The following MOB1B variants were observed in gnomAD, a reference collection of about 807,000 sequenced individuals.
MOB1B encodes MOB1 Mps One Binder homolog B.
Under a neutral mutation model 24.4 loss-of-function variants are expected in MOB1B, and 19 were observed. That is an observed-to-expected ratio of 0.78 (90% CI 0.54 to 1.14). The LOEUF is 1.14. Ranked by LOEUF, MOB1B falls within the 50% of genes most tolerant of loss-of-function variation. MOB1B has a pLI of 0.00. For missense variants in MOB1B, 243 were observed against 259.6 expected, an observed-to-expected ratio of 0.94 and a Z score of 0.44; for synonymous variants, 76 against 82.1, an observed-to-expected ratio of 0.93 and a Z score of 0.40.
chr4:70,923,888 A>C (rs1478489005), intron 1 of MOB1B, among the ~76,000 whole-genome samples: 1 of 146,326 alleles, frequency 6.8e-6, no homozygotes, highest in Non-Finnish European at 1.5e-5. Flanking sequence ...CAGAGCTTGC[A>C]GTGAGCCGAG....
chr4:70,976,170 G>GGGAA, intron 4 of MOB1B: 1 of 982,620 alleles, frequency 1.0e-6, no homozygotes, highest in South Asian at 4.7e-5. Flanking sequence ...CCAAAGTACT[G>GGGAA]GGAACCCTCT....
chr4:70,927,958 C>T (rs1736719234), intron 1 of MOB1B, among the ~76,000 whole-genome samples: 1 of 152,172 alleles, frequency 6.6e-6, no homozygotes, highest in African/African-American at 2.4e-5. Context: ...GCATTTCTCT[C>T]AACCTGCTTT....
At chr4:70,903,183 C>T (rs887803739) in intron 1 of MOB1B, among the ~76,000 whole-genome samples, 1 of 152,216 alleles carries the variant, frequency 6.6e-6, no homozygotes, top group Non-Finnish European at 1.5e-5. Context: ...TAGAGGCGCC[C>T]TTCCTCCCAG....
chr4:70,948,596 A>C (rs1301890947), intron 1 of MOB1B, among the ~76,000 whole-genome samples: 2 of 152,028 alleles, frequency 1.3e-5, no homozygotes, highest in Non-Finnish European at 2.9e-5. Context: ...AAAGATACTG[A>C]TTATATTTAG....
intron 2 of MOB1B, among the ~76,000 whole-genome samples, chr4:70,963,108 A>G (rs1738369527): frequency 6.6e-6 from 1 of 152,234 alleles, no homozygotes; most frequent in Non-Finnish European, 1.5e-5. Context: ...TGCAGACCAC[A>G]TATATGGTAA....
Position 70,902,427 on chromosome 4 carries a change from C to T in MOB1B, c.-110C>T. ...ACCGAGCAGCCGGCTCTCGGCACCTCCTCCTCCGCCTCCCTGTCTCCTGTT... is the reference window on the plus strand; with the variant it reads ...ACCGAGCAGCCGGCTCTCGGCACCTTCTCCTCCGCCTCCCTGTCTCCTGTT... On this transcript the variant is annotated 5_prime_UTR_variant, in exon 1 of 6. Transcript: ENST00000309395. 2.4e-6 allele frequency: 3 copies of T among 1,234,058 alleles called. No homozygotes were observed. Among genetic ancestry groups the T allele is most frequent in the East Asian group, 2.5e-5 (1 of 39,296 alleles). 76.4% of individuals were successfully genotyped at this position (1,234,058 alleles called of 1,614,324 possible).
chr4:70,930,980 T>TTG (rs1043215741), intron 1 of MOB1B, among the ~76,000 whole-genome samples: 1 of 151,122 alleles, frequency 6.6e-6, no homozygotes, highest in Non-Finnish European at 1.5e-5. Context: ...TTTTTTTTTT[T>TTG]TTTTTTAACA....
chr4:70,928,007 T>C (rs1449145792), intron 1 of MOB1B, among the ~76,000 whole-genome samples: 2 of 152,200 alleles, frequency 1.3e-5, no homozygotes, highest in Admixed American at 6.5e-5. Flanking sequence ...GTTCCTGTTA[T>C]TCTGGCTGTT....
intron 1 of MOB1B, among the ~76,000 whole-genome samples, chr4:70,903,593 T>A (rs1735610056): frequency 6.6e-6 from 1 of 152,228 alleles, no homozygotes; most frequent in South Asian, 2.1e-4. Flanking sequence ...ACCCATATAC[T>A]GTTTTACTGT....
chr4:70,979,341 A>G (rs1259080328), intron 5 of MOB1B, 50 bp downstream of exon 5: 6 of 1,439,986 alleles, frequency 4.2e-6, no homozygotes, highest in East Asian at 4.5e-5. Context: ...ATTTATCTTC[A>G]TAGTTCTAAG....
At chr4:70,922,768 CTT>C (rs1451551474) in intron 1 of MOB1B, among the ~76,000 whole-genome samples, 1 of 152,162 alleles carries the variant, frequency 6.6e-6, no homozygotes, top group Non-Finnish European at 1.5e-5. Context: ...ATTGCTTAGA[CTT>C]AATTTATGAG....
intron 1 of MOB1B, among the ~76,000 whole-genome samples, chr4:70,922,039 G>C (rs1179033477): frequency 6.6e-6 from 1 of 152,040 alleles, no homozygotes; most frequent in Non-Finnish European, 1.5e-5. Flanking sequence ...TTCTGAATTA[G>C]ACAAAATTAT....
chr4:70,961,363 C>T (rs899887150), intron 2 of MOB1B, among the ~76,000 whole-genome samples: 9 of 152,148 alleles, frequency 5.9e-5, no homozygotes, highest in South Asian at 2.1e-4. Context: ...CCCAAGCGGA[C>T]GGAGTGAGAT....
chr4:70,963,513 A>G (rs1227786795), intron 2 of MOB1B, among the ~76,000 whole-genome samples: 2 of 152,124 alleles, frequency 1.3e-5, no homozygotes, highest in East Asian at 3.9e-4. Context: ...GTAAAGGACA[A>G]AATGGTCCAA....
chr4:70,961,316 G>A (rs1738294661), intron 2 of MOB1B, among the ~76,000 whole-genome samples: 1 of 152,202 alleles, frequency 6.6e-6, no homozygotes, highest in Non-Finnish European at 1.5e-5. Context: ...GGTGATTAAT[G>A]AGCAGGTATA....
chr4:70,910,082 G>A (rs1159769649), intron 1 of MOB1B, among the ~76,000 whole-genome samples: 2 of 149,882 alleles, frequency 1.3e-5, no homozygotes, highest in African/African-American at 2.5e-5. Context: ...ACTCTGTCAC[G>A]CAGACTGCAG....
intron 1 of MOB1B, among the ~76,000 whole-genome samples, chr4:70,907,425 GA>G (rs928404900): frequency 8.8e-5 from 13 of 147,224 alleles, no homozygotes; most frequent in East Asian, 2.0e-4. Flanking sequence ...ATGGAATTCT[GA>G]AAAAAAAAAA....
At chr4:70,947,205 C>A (rs1274126673) in intron 1 of MOB1B, among the ~76,000 whole-genome samples, 1 of 152,186 alleles carries the variant, frequency 6.6e-6, no homozygotes, top group Non-Finnish European at 1.5e-5. Flanking sequence ...TTGCAGGAGT[C>A]CCTGACAAGT....
chr4:70,963,020 A>G (rs955968565), intron 2 of MOB1B, among the ~76,000 whole-genome samples: 20 of 152,148 alleles, frequency 1.3e-4, no homozygotes, highest in Admixed American at 6.6e-5. Flanking sequence ...AAAAAGAGAA[A>G]GAAAATTTAA....
Sources: gnomAD v4.1 joint callset for allele counts (sites outside exome capture counted in the v4.1 genomes callset) on GRCh38, gnomAD v4.1.1 for gene constraint, MANE v1.5 for transcripts, NCBI Gene and HGNC (gene_info 2026-07-23, HGNC 2026-07-21) for gene names.